The following MIA2 variants were observed in gnomAD, a reference collection of about 807,000 sequenced individuals.
MIA2 encodes the protein MIA SH3 domain ER export factor 2.
In MIA2, 127 loss-of-function variants were observed where a neutral mutation model predicts 167.8. The ratio of observed to expected loss-of-function variants is 0.76; its 90% CI spans 0.66 to 0.88. The LOEUF (loss-of-function observed/expected upper bound fraction) is 0.88. Ranked by LOEUF, MIA2 falls within the 40% of genes least tolerant of loss-of-function variation. The pLI is 0.00. For synonymous variants in MIA2, 552 were observed against 541.9 expected (o/e 1.02, Z -0.26); for missense variants, 1,690 against 1,624.7 (o/e 1.04, Z -0.69).
At chr14:39,285,738 G>A (rs554903714) in intron 9 of MIA2, among the ~76,000 whole-genome samples, 7 of 130,184 alleles carry the variant, frequency 5.4e-5, no homozygotes, top group Admixed American at 7.6e-5. Flanking sequence ...GGCAGCTGCC[G>A]GGCGGAGGGG....
intron 6 of MIA2, among the ~76,000 whole-genome samples, chr14:39,259,341 CCAGCCAAGGAGGCAGATTTTGGA>C (rs200887103): frequency 0.031 from 4,698 of 152,274 alleles, 99 homozygotes; most frequent in Non-Finnish European, 0.043. Flanking sequence ...TCCAGACCGC[CCAGCCAAGGAGGCAGATTTTGGA>C]CAGCTACTAG....
intron 12 of MIA2, 50 bp from the exon 13 acceptor site, chr14:39,294,875 C>T (rs755162928): frequency 1.1e-5 from 13 of 1,191,314 alleles, no homozygotes; most frequent in Non-Finnish European, 1.5e-5. Context: ...TAAAGATGAG[C>T]TATGTATTAA....
At chr14:39,359,371 C>T (rs1015607835) in intron 23 of MIA2, among the ~76,000 whole-genome samples, 47 of 152,224 alleles carry the variant, frequency 3.1e-4, no homozygotes, top group Non-Finnish European at 1.0e-4. Flanking sequence ...ATATAATCTT[C>T]TGGTGTGCCG....
chr14:39,340,758 A>G (rs2153050360), intron 25 of MIA2, among the ~76,000 whole-genome samples: 1 of 152,306 alleles, frequency 6.6e-6, no homozygotes, highest in East Asian at 1.9e-4. Flanking sequence ...TTAGGAATAT[A>G]TATATCTTAA....
At chr14:39,238,793 CAA>C (rs769534317) in intron 2 of MIA2, among the ~76,000 whole-genome samples, 370 of 30,812 alleles carry the variant, frequency 0.012, 20 homozygotes, top group African/African-American at 0.038. Context: ...GACCCTGTCT[CAA>C]AAAAAAAAAA....
At chr14:39,355,206 A>G (rs2074490281), downstream of MIA2, among the ~76,000 whole-genome samples, 1 of 151,856 alleles carries the variant, frequency 6.6e-6, no homozygotes, top group Non-Finnish European at 1.5e-5. Context: ...ATGTTCTTCC[A>G]TTTGTTTGTA....
At chr14:39,297,246 A>G (rs920788491) in intron 13 of MIA2, among the ~76,000 whole-genome samples, 1 of 151,620 alleles carries the variant, frequency 6.6e-6, no homozygotes, top group African/African-American at 2.4e-5. Context: ...GGCATGTACC[A>G]CCATCTGACT....
At chr14:39,338,068 T>G (rs1466937907) in intron 25 of MIA2, among the ~76,000 whole-genome samples, 2 of 152,080 alleles carry the variant, frequency 1.3e-5, no homozygotes, top group African/African-American at 4.8e-5. Context: ...GAAAACAGAT[T>G]GGTGGATTCA....
intron 24 of MIA2, among the ~76,000 whole-genome samples, chr14:39,325,179 G>T (rs1339509722): frequency 2.0e-5 from 3 of 151,630 alleles, no homozygotes; most frequent in Admixed American, 6.6e-5. Flanking sequence ...GCTGAGAATC[G>T]CACCACTGCA....
At chr14:39,289,804 A>G (rs745534475) in intron 9 of MIA2, among the ~76,000 whole-genome samples, 3 of 152,176 alleles carry the variant, frequency 2.0e-5, no homozygotes, top group African/African-American at 4.8e-5. Flanking sequence ...CTTGGGGGCA[A>G]AAGTTAAGAT....
chr14:39,253,866 T>G (rs1208208974), intron 6 of MIA2, among the ~76,000 whole-genome samples: 1 of 152,222 alleles, frequency 6.6e-6, no homozygotes, highest in Non-Finnish European at 1.5e-5. Flanking sequence ...ACTTGGCATA[T>G]AAGAGATCTT....
rs548213702 is a variant in MIA2 at position 39,246,843 on chromosome 14, A to G, written c.337-68A>G. 13 of 881,790 alleles carry G rather than the reference A, an allele frequency of 1.5e-5. 1 individual carries two copies. In the South Asian group the frequency reaches 2.8e-4, roughly 19 times the overall value. 54.6% of individuals were successfully genotyped at this position (881,790 alleles called of 1,614,324 possible). Reference sequence around the variant, plus strand: ...GGAATATCACAATCATCCATTTTAAATGACTCAGGGAGAAACAAGGAGCTC... The same window carrying G: ...GGAATATCACAATCATCCATTTTAAGTGACTCAGGGAGAAACAAGGAGCTC... On this transcript the variant is annotated intron_variant, in intron 3 of 28. Coordinates refer to ENST00000640607, the MANE Select transcript of MIA2 (RefSeq NM_001329214.4).
chr14:39,367,513 C>A (rs1253332959), intron 23 of MIA2, among the ~76,000 whole-genome samples: 1 of 152,176 alleles, frequency 6.6e-6, no homozygotes, highest in African/African-American at 2.4e-5. Flanking sequence ...AGGGTTCTGT[C>A]CTGTGGCTAA....
At position 39,247,418 on chromosome 14, in the gene MIA2, T is replaced by C; in HGVS notation, c.844T>C (p.Ser282Pro). The C allele has an allele frequency of 6.2e-7, 1 of 1,614,096 alleles. No homozygotes were observed. The highest frequency in any genetic ancestry group is 8.5e-7 in the Non-Finnish European group (1 of 1,180,020). ...AACAGAACATCAGCAAGAATCTGAATCAGAAATTGATTCAGTGCCAAAGAC... is the reference window on the plus strand; with the variant it reads ...AACAGAACATCAGCAAGAATCTGAACCAGAAATTGATTCAGTGCCAAAGAC... ...PQTEHQQESESEIDSVPKTQS... is the reference protein window; with the variant it reads ...PQTEHQQESEPEIDSVPKTQS... The change falls in exon 4 of 29, where the codon TCA becomes CCA. Residue 282 changes from serine (S) to proline (P), a missense_variant. Ser to Pro is a moderately conservative substitution (Grantham distance 74, BLOSUM62 -1). Coordinates refer to ENST00000640607, the MANE Select transcript of MIA2 (RefSeq NM_001329214.4).
intron 23 of MIA2, among the ~76,000 whole-genome samples, chr14:39,356,649 T>C (rs1288258497): frequency 3.3e-5 from 5 of 152,246 alleles, no homozygotes; most frequent in Non-Finnish European, 7.3e-5. Context: ...TATTAGGGTG[T>C]CAATTTTAGA....
intron 6 of MIA2, among the ~76,000 whole-genome samples, chr14:39,272,014 G>C (rs563779617): frequency 5.3e-5 from 8 of 152,128 alleles, no homozygotes; most frequent in Admixed American, 5.2e-4. Context: ...ATGCAAAAAA[G>C]GTTAAAGCAA....
At chr14:39,364,197 A>G (rs1357452704) in intron 23 of MIA2, among the ~76,000 whole-genome samples, 1 of 152,120 alleles carries the variant, frequency 6.6e-6, no homozygotes, top group Non-Finnish European at 1.5e-5. Context: ...GTCTCTACTA[A>G]AAATACAAAA....
intron 23 of MIA2, among the ~76,000 whole-genome samples, chr14:39,377,155 T>C (rs1001983647): frequency 5.3e-5 from 8 of 151,614 alleles, no homozygotes; most frequent in Non-Finnish European, 1.2e-4. Context: ...CCTAGACGAA[T>C]AGGTCTCATG....
Position 39,385,771 on chromosome 14 carries a change from A to G in MIA2, c.2249-1114A>G, listed in dbSNP as rs1190517004. 7 of 870,882 alleles carry G rather than the reference A, an allele frequency of 8.0e-6. No homozygotes were observed. In the South Asian group the frequency reaches 9.2e-5, roughly 11 times the overall value. The allele number at this position is 870,882 out of a possible 1,614,324, so 53.9% of individuals were successfully genotyped here. A position where few individuals can be genotyped will look rare whatever the true frequency, so the allele number is the denominator to read the frequency against. On this transcript the variant is annotated intron_variant, in intron 23 of 23. Coordinates refer to the MIA2 transcript ENST00000341502. ...GATAATAGTAGATGAATTTGTTACC[A>G]GGTCATTTAATTGCTGTTGCCTCTG...
Sources: allele counts gnomAD v4.1 joint callset (sites outside exome capture counted in the v4.1 genomes callset), GRCh38; gene constraint gnomAD v4.1.1; transcripts MANE v1.5; gene names NCBI Gene and HGNC (gene_info 2026-07-23, HGNC 2026-07-21).